The following SENP7 variants were observed in gnomAD, a reference collection of about 807,000 sequenced individuals.
SENP7 encodes sentrin-specific protease 7.
In SENP7, 64 loss-of-function variants were observed where a neutral mutation model predicts 141.2. The observed-to-expected ratio is 0.45, with a 90% CI of 0.37 to 0.56. SENP7 has a LOEUF of 0.56. SENP7 is among the 20% of genes least tolerant of loss of function. The pLI is 0.00. For missense variants in SENP7, 1,025 were observed against 1,212.2 expected, an observed-to-expected ratio of 0.85 and a Z score of 2.29; for synonymous variants, 382 against 426.4, an observed-to-expected ratio of 0.90 and a Z score of 1.28.
At chr3:101,375,881 T>G (rs1302526173) in intron 6 of SENP7, among the ~76,000 whole-genome samples, 1 of 152,216 alleles carries the variant, frequency 6.6e-6, no homozygotes, top group African/African-American at 2.4e-5. Flanking sequence ...GGACAAATAT[T>G]GTGTGATTCC....
intron 11 of SENP7, among the ~76,000 whole-genome samples, chr3:101,352,800 C>A (rs1400013816): frequency 6.6e-6 from 1 of 151,858 alleles, no homozygotes; most frequent in East Asian, 1.9e-4. Context: ...TCAGTGAAAC[C>A]ACAGGTTTAT....
intron 5 of SENP7, among the ~76,000 whole-genome samples, chr3:101,400,192 T>C (rs2107584489): frequency 6.6e-6 from 1 of 152,346 alleles, no homozygotes; most frequent in East Asian, 1.9e-4. Context: ...TAAGTTCCTG[T>C]TATGTAATTT....
intron 5 of SENP7, chr3:101,414,589 A>G: frequency 1.2e-6 from 2 of 1,605,394 alleles, no homozygotes; most frequent in Non-Finnish European, 8.5e-7. Flanking sequence ...CATCCCAACT[A>G]TGACCAAGAA....
intron 4 of SENP7, among the ~76,000 whole-genome samples, chr3:101,451,100 A>C (rs1260768987): frequency 1.3e-5 from 2 of 152,246 alleles, no homozygotes; most frequent in East Asian, 3.8e-4. Context: ...CTACGCGAAT[A>C]AACTAGAAAA....
At chr3:101,417,353 A>C (rs1358900903) in intron 5 of SENP7, among the ~76,000 whole-genome samples, 1 of 152,144 alleles carries the variant, frequency 6.6e-6, no homozygotes, top group African/African-American at 2.4e-5. Context: ...AAATAAGTTA[A>C]ATGTACTAAT....
rs1235602719 is a variant in SENP7, at chr3:101,490,208, C to CA, written c.186+3664dup. Among the ~76,000 whole-genome samples, 186 of 129,536 alleles carry CA rather than the reference C, an allele frequency of 1.4e-3. 1 individual carries two copies. Among genetic ancestry groups the CA allele is most frequent in the Middle Eastern group, 3.8e-3 (1 of 266 alleles). The allele number at this position is 129,536 out of a possible 152,430, so 85.0% of individuals were successfully genotyped here. A position where few individuals can be genotyped will look rare whatever the true frequency, so the allele number is the denominator to read the frequency against. ...CTCAAAAAAAAAACAAACAAACAAA[C>CA]AAAAAAAAAAAGAGCCTAAAAGTCA... On this transcript the variant is annotated intron_variant, in intron 3 of 23. Transcript: ENST00000394095.
At chr3:101,353,086 T>A (rs904544171) in intron 11 of SENP7, among the ~76,000 whole-genome samples, 1 of 151,996 alleles carries the variant, frequency 6.6e-6, no homozygotes, top group Non-Finnish European at 1.5e-5. Flanking sequence ...GACACTAGCA[T>A]CTGATCAAGA....
intron 13 of SENP7, chr3:101,347,633 A>T (rs112163176): frequency 4.7e-6 from 1 of 212,830 alleles, no homozygotes; most frequent in African/African-American, 2.3e-5. Flanking sequence ...GAGGCAGGAG[A>T]ATGGCGTGAA....
intron 2 of SENP7, among the ~76,000 whole-genome samples, chr3:101,494,358 C>T (rs564214118): frequency 6.6e-6 from 1 of 152,218 alleles, no homozygotes; most frequent in Admixed American, 6.5e-5. Flanking sequence ...AACTCTTTAC[C>T]ATTTGGGCTC....
chr3:101,452,520 T>C (rs2063182319), intron 4 of SENP7, among the ~76,000 whole-genome samples: 1 of 152,148 alleles, frequency 6.6e-6, no homozygotes, highest in Admixed American at 6.5e-5. Flanking sequence ...AACAGAGATA[T>C]AGACCAACGG....
chr3:101,357,387 T>C (rs1011085016), intron 11 of SENP7: 1 of 705,424 alleles, frequency 1.4e-6, no homozygotes, highest in Non-Finnish European at 2.6e-6. Flanking sequence ...GGTATTGTTG[T>C]CTCTAAGCCA....
intron 3 of SENP7, among the ~76,000 whole-genome samples, chr3:101,460,043 C>A (rs2063498318): frequency 6.6e-6 from 1 of 152,036 alleles, no homozygotes; most frequent in Non-Finnish European, 1.5e-5. Flanking sequence ...TAAAGAAACC[C>A]TAAATAAATG....
chr3:101,499,250 G>C (rs995979447), intron 2 of SENP7, among the ~76,000 whole-genome samples: 5 of 152,074 alleles, frequency 3.3e-5, no homozygotes, highest in African/African-American at 1.2e-4. Context: ...CATGAATAAT[G>C]CAATAGTCTA....
chr3:101,432,160 T>C (rs2062205356), intron 4 of SENP7, among the ~76,000 whole-genome samples: 1 of 152,176 alleles, frequency 6.6e-6, no homozygotes, highest in Non-Finnish European at 1.5e-5. Flanking sequence ...GCCATACTCC[T>C]TGTGGCCTGG....
chr3:101,437,953 G>A (rs1036736634), intron 4 of SENP7, among the ~76,000 whole-genome samples: 1 of 151,268 alleles, frequency 6.6e-6, no homozygotes, highest in Non-Finnish European at 1.5e-5. Context: ...AAAGTAACAA[G>A]TGTTGATGTG....
chr3:101,510,330 G>A (rs1052537286), intron 1 of SENP7, among the ~76,000 whole-genome samples: 1 of 152,186 alleles, frequency 6.6e-6, no homozygotes, highest in South Asian at 2.1e-4. Flanking sequence ...CTGGAATTGG[G>A]TTTCTGCTAC....
intron 5 of SENP7, among the ~76,000 whole-genome samples, chr3:101,401,170 A>C (rs1192774018): frequency 6.6e-6 from 1 of 152,178 alleles, no homozygotes; most frequent in African/African-American, 2.4e-5. Flanking sequence ...ACAGGCTGAA[A>C]GCAAGACTGC....
intron 5 of SENP7, 118 bp from the exon 6 acceptor site, chr3:101,399,173 T>G: frequency 1.7e-5 from 9 of 527,858 alleles, no homozygotes; most frequent in Non-Finnish European, 2.2e-5. Context: ...CTGTTCGAAC[T>G]ACACCACCCT....
intron 4 of SENP7, among the ~76,000 whole-genome samples, chr3:101,439,032 A>C (rs2062514198): frequency 7.9e-6 from 1 of 126,946 alleles, no homozygotes; most frequent in Non-Finnish European, 1.7e-5. Flanking sequence ...CTGGCTGCCC[A>C]GTCTGGAAAG....
Sources: gnomAD v4.1 joint callset for allele counts (sites outside exome capture counted in the v4.1 genomes callset) on GRCh38, gnomAD v4.1.1 for gene constraint, MANE v1.5 for transcripts, NCBI Gene and HGNC (gene_info 2026-07-23, HGNC 2026-07-21) for gene names.